Variants in PTPRD observed in about 807,000 individuals in gnomAD.
The protein encoded by PTPRD is receptor-type tyrosine-protein phosphatase delta.
Under a neutral mutation model 214.5 loss-of-function variants are expected in PTPRD, and 34 were observed. The ratio of observed to expected loss-of-function variants is 0.16; its 90% CI spans 0.12 to 0.21. PTPRD has a LOEUF of 0.21. Ranked by LOEUF, PTPRD falls within the 10% of genes least tolerant of loss-of-function variation. PTPRD has a pLI of 1.00. For missense variants in PTPRD, 2,545 were observed against 2,398.7 expected (o/e 1.06, Z -1.27); for synonymous variants, 1,128 against 845.7 (o/e 1.33, Z -5.79).
chr9:9,765,335 C>T (rs979083283), intron 6 of PTPRD, among the ~76,000 whole-genome samples: 1 of 152,028 alleles, frequency 6.6e-6, no homozygotes, highest in African/African-American at 2.4e-5. Context: ...ACCGTATTTC[C>T]CCAAGCATTA....
intron 2 of PTPRD, among the ~76,000 whole-genome samples, chr9:10,576,874 T>G (rs1450568535): frequency 6.6e-6 from 1 of 152,122 alleles, no homozygotes. Flanking sequence ...TGCCACCAAA[T>G]GGAAAATGTC....
intron 35 of PTPRD, among the ~76,000 whole-genome samples, chr9:8,408,263 A>G (rs986957731): frequency 6.6e-6 from 1 of 152,156 alleles, no homozygotes; most frequent in Admixed American, 6.6e-5. Context: ...GGTTACCCAA[A>G]TATTAATTAT....
intron 31 of PTPRD, 121 bp downstream of exon 31, chr9:8,470,874 C>T: frequency 1.2e-6 from 1 of 807,942 alleles, no homozygotes; most frequent in East Asian, 2.5e-5. Context: ...AACCATCCAA[C>T]CAGCTAGGTA....
chr9:9,062,434 T>C (rs1242588762), intron 10 of PTPRD, among the ~76,000 whole-genome samples: 1 of 152,182 alleles, frequency 6.6e-6, no homozygotes, highest in Admixed American at 6.5e-5. Context: ...TGTGAGTATG[T>C]TTCTCAATTC....
At chr9:8,385,256 C>A (rs1423057031) in intron 37 of PTPRD, among the ~76,000 whole-genome samples, 2 of 152,122 alleles carry the variant, frequency 1.3e-5, no homozygotes, top group Non-Finnish European at 2.9e-5. Flanking sequence ...CAGGCACGGG[C>A]TGGCTCAAGC....
At chr9:9,248,804 A>T (rs1157321349) in intron 9 of PTPRD, among the ~76,000 whole-genome samples, 1 of 152,050 alleles carries the variant, frequency 6.6e-6, no homozygotes, top group Non-Finnish European at 1.5e-5. Flanking sequence ...TCACAAACTC[A>T]AATGCTTGCA....
chr9:9,958,385 G>A (rs2094115511), intron 4 of PTPRD, among the ~76,000 whole-genome samples: 1 of 152,082 alleles, frequency 6.6e-6, no homozygotes, highest in Non-Finnish European at 1.5e-5. Context: ...CAAAAAATTA[G>A]CTGGGCGTGG....
At chr9:9,973,446 T>G (rs985615963) in intron 4 of PTPRD, among the ~76,000 whole-genome samples, 1 of 151,822 alleles carries the variant, frequency 6.6e-6, no homozygotes, top group Non-Finnish European at 1.5e-5. Flanking sequence ...CCTTGCACCC[T>G]GGGTGACAGA....
At chr9:9,319,259 C>T (rs2135907318) in intron 9 of PTPRD, among the ~76,000 whole-genome samples, 1 of 152,230 alleles carries the variant, frequency 6.6e-6, no homozygotes, top group Non-Finnish European at 1.5e-5. Flanking sequence ...GCTTGTATTA[C>T]TTGCTAAATT....
At chr9:9,407,966 A>G (rs757005440) in intron 8 of PTPRD, among the ~76,000 whole-genome samples, 3 of 151,796 alleles carry the variant, frequency 2.0e-5, no homozygotes, top group Non-Finnish European at 4.4e-5. Flanking sequence ...GAAGACTTTT[A>G]ATTTTTATTG....
intron 20 of PTPRD, 82 bp from the exon 21 acceptor site, chr9:8,518,511 T>G (rs142424464): frequency 9.8e-7 from 1 of 1,017,548 alleles, no homozygotes. Context: ...ACTATGAAAA[T>G]GACAGGATTA....
intron 7 of PTPRD, among the ~76,000 whole-genome samples, chr9:9,724,768 C>T (rs530417688): frequency 6.6e-6 from 1 of 152,268 alleles, no homozygotes; most frequent in East Asian, 1.9e-4. Context: ...AAGGTATCCC[C>T]ATTTACAGTG....
chr9:10,319,432 G>T (rs978319450), intron 3 of PTPRD, among the ~76,000 whole-genome samples: 1 of 152,056 alleles, frequency 6.6e-6, no homozygotes. Context: ...ATGGATGACA[G>T]CTTCTGTGGG....
At chr9:9,268,320 T>C (rs971717291) in intron 9 of PTPRD, among the ~76,000 whole-genome samples, 1 of 150,698 alleles carries the variant, frequency 6.6e-6, no homozygotes, top group African/African-American at 2.4e-5. Flanking sequence ...AGGTAAAAGA[T>C]CTGTATAATG....
At chr9:10,441,615 A>G (rs2098759184) in intron 2 of PTPRD, among the ~76,000 whole-genome samples, 1 of 151,358 alleles carries the variant, frequency 6.6e-6, no homozygotes, top group Non-Finnish European at 1.5e-5. Flanking sequence ...ATTACTTACT[A>G]TACTATACTC....
rs1003819572 is a variant in PTPRD at position 10,612,876 on chromosome 9, G to A, written c.-896C>T. On this transcript the variant is annotated 5_prime_UTR_variant, in exon 1 of 46. Transcript: ENST00000381196. ...GCAAGGAGGAGGCGAGGCTCTGTCG[G>A]GGCGAGGCGCTGCCCCCACGCGCTC... Among the ~76,000 whole-genome samples, 4 of 152,062 alleles carry A rather than the reference G, an allele frequency of 2.6e-5. No individual in the cohort carries two copies. Among genetic ancestry groups the A allele is most frequent in the Admixed American group, 2.6e-4 (4 of 15,272 alleles).
chr9:10,436,282 A>G (rs2098716883), intron 2 of PTPRD, among the ~76,000 whole-genome samples: 1 of 151,862 alleles, frequency 6.6e-6, no homozygotes. Context: ...ACACACATAT[A>G]TAAATCACAT....
At position 10,509,991 on chromosome 9, in the gene PTPRD, G is replaced by A. The variant is rs557334417; in HGVS notation, c.-600+102407C>T. Among the ~76,000 whole-genome samples the A allele has an allele frequency of 4.9e-4, 75 of 152,090 alleles. 1 individual carries two copies. The South Asian group carries it at 0.015, about 30-fold the overall frequency. ...TTATTGGTAGCTGCTTTCTACAACA[G>A]AAAGAATTCGAGTTCTTATGATATA... On this transcript the variant is annotated intron_variant, in intron 2 of 45. Coordinates refer to ENST00000381196, the MANE Select transcript of PTPRD (RefSeq NM_002839.4).
rs114842476 is a variant in PTPRD, at chr9:9,960,643, G to A, written c.-471-22033C>T. Among the ~76,000 whole-genome samples the A allele has an allele frequency of 8.6e-3, 1,309 of 152,138 alleles. 16 individuals are homozygous for A. The highest frequency in any genetic ancestry group is 0.029 in the African/African-American group (1,196 of 41,496). ...CAACAACCAATTATCTTAATCTTAC[G>A]TAGAGAAAAACAGGAGACAAATTCT... On this transcript the variant is annotated intron_variant, in intron 4 of 45. Transcript: ENST00000381196.
Sources: gnomAD v4.1 joint callset for allele counts (sites outside exome capture counted in the v4.1 genomes callset) on GRCh38, gnomAD v4.1.1 for gene constraint, MANE v1.5 for transcripts, NCBI Gene and HGNC (gene_info 2026-07-23, HGNC 2026-07-21) for gene names.